Variants in EIF2AK2 observed in about 807,000 individuals in gnomAD.
EIF2AK2 encodes the protein interferon-induced, double-stranded RNA-activated protein kinase.
A neutral mutation model predicts 70.5 loss-of-function variants in EIF2AK2; 40 were observed. That is an observed-to-expected ratio of 0.57 (90% CI 0.44 to 0.74). The LOEUF (loss-of-function observed/expected upper bound fraction) is 0.74. EIF2AK2 is among the 30% of genes least tolerant of loss of function. The pLI, the probability that EIF2AK2 is intolerant of heterozygous loss-of-function variation, is 0.00. For missense variants in EIF2AK2, 555 were observed against 644.3 expected (o/e 0.86, Z 1.50); for synonymous variants, 198 against 220.9 (o/e 0.90, Z 0.92).
intron 10 of EIF2AK2, among the ~76,000 whole-genome samples, chr2:37,128,605 C>T (rs767699199): frequency 6.6e-6 from 1 of 152,184 alleles, no homozygotes; most frequent in East Asian, 1.9e-4. Flanking sequence ...AATGGGCCCT[C>T]AAGAAACTTC....
chr2:37,146,142 G>A (rs900773595), intron 4 of EIF2AK2, among the ~76,000 whole-genome samples: 4 of 152,006 alleles, frequency 2.6e-5, no homozygotes, highest in African/African-American at 9.7e-5. Context: ...GTTACAATTG[G>A]CTACAGTATT....
At chr2:37,113,428 G>C (rs1385265041) in intron 14 of EIF2AK2, among the ~76,000 whole-genome samples, 2 of 146,134 alleles carry the variant, frequency 1.4e-5, no homozygotes, top group Non-Finnish European at 3.0e-5. Context: ...CCGGGAGGCA[G>C]AGGTTGTTGC....
chr2:37,154,871 T>G (rs1327446073), intron 1 of EIF2AK2, among the ~76,000 whole-genome samples: 1 of 152,098 alleles, frequency 6.6e-6, no homozygotes, highest in African/African-American at 2.4e-5. Context: ...CCTGGTTTTC[T>G]TCTGTTCTGA....
At position 37,156,910 on chromosome 2, in the gene EIF2AK2, G is replaced by GGC. The variant is rs1662829875; in HGVS notation, c.-187_-186insGC. The stretch of plus-strand genomic sequence containing the variant: ...CGGCTGCCCCCTGCCCTGCTCACCT[G>GGC]CGCCGCCGCCGCCGCCGCCGCCGCC... On this transcript the variant is annotated 5_prime_UTR_variant, in exon 1 of 17. Transcript: ENST00000233057. 1 of 180,350 alleles carries GGC rather than the reference G, an allele frequency of 5.5e-6. No homozygotes were observed. Among genetic ancestry groups the GGC allele is most frequent in the Non-Finnish European group, 1.1e-5 (1 of 89,850 alleles). 11.2% of individuals were successfully genotyped at this position (180,350 alleles called of 1,614,324 possible).
At chr2:37,135,255 T>A (rs2148696512) in intron 10 of EIF2AK2, among the ~76,000 whole-genome samples, 1 of 152,262 alleles carries the variant, frequency 6.6e-6, no homozygotes, top group South Asian at 2.1e-4. Flanking sequence ...TAAGGGAGTA[T>A]CAAAACAACC....
intron 1 of EIF2AK2, among the ~76,000 whole-genome samples, chr2:37,151,267 T>A (rs760937151): frequency 6.6e-6 from 1 of 151,686 alleles, no homozygotes; most frequent in African/African-American, 2.4e-5. Flanking sequence ...ACCACCCAAT[T>A]AAAAAAATAG....
rs1369454564 is a variant in EIF2AK2, at chr2:37,102,550, T to C, written c.*4723A>G. On this transcript the variant is annotated 3_prime_UTR_variant, in exon 17 of 17. Transcript: ENST00000233057. ...TAGTAGAGACCTGGAAAAGCTTGTA[T>C]GTAGCCTTTTAAACATTTCTTCTCA... is the stretch of plus-strand genomic sequence containing the variant. 1 of 152,208 alleles carries C rather than the reference T, an allele frequency of 6.6e-6. No individual in the cohort carries two copies. The highest frequency in any genetic ancestry group is 2.4e-5 in the African/African-American group (1 of 41,458). The allele number at this position is 152,208 out of a possible 1,614,324, so 9.4% of individuals were successfully genotyped here. A position where few individuals can be genotyped will look rare whatever the true frequency, so the allele number is the denominator to read the frequency against.
Position 37,135,551 on chromosome 2 carries a change from A to C in EIF2AK2, c.723-5T>G, listed in dbSNP as rs1386472965. The C allele has an allele frequency of 6.2e-7, 1 of 1,609,642 alleles. No homozygotes were observed. The highest frequency in any genetic ancestry group is 1.7e-5 in the Admixed American group (1 of 59,446). The stretch of plus-strand genomic sequence containing the variant: ...TCAAATCTGGGTGCCAAAGATCTAA[A>C]AATTAAGAGTTGAATGTAAAACTCA... On this transcript the variant is annotated splice_polypyrimidine_tract_variant and splice_region_variant and intron_variant, in intron 9 of 16. Coordinates refer to ENST00000233057, the MANE Select transcript of EIF2AK2 (RefSeq NM_001135651.3).
intron 13 of EIF2AK2, among the ~76,000 whole-genome samples, chr2:37,117,974 G>A (rs1278772420): frequency 6.6e-6 from 1 of 152,150 alleles, no homozygotes; most frequent in African/African-American, 2.4e-5. Flanking sequence ...CTGTAGTAGT[G>A]AGAGCCTGAA....
rs779450110 is a variant in EIF2AK2 at position 37,141,673 on chromosome 2, G to C, written c.269C>G (p.Thr90Arg). The C allele has an allele frequency of 1.2e-6, 2 of 1,612,930 alleles. No homozygotes were observed. The highest frequency in any genetic ancestry group is 4.5e-5 in the East Asian group (2 of 44,852). ...CATGGATAATCCTTCTGAAGAATTC[G>C]TTGTTGTCAATAATAAAGGACTAAC... is the stretch of plus-strand genomic sequence containing the variant. Reference protein sequence around the residue: ...KAVSPLLLTTTNSSEGLSMGN... With the variant: ...KAVSPLLLTTRNSSEGLSMGN... The change falls in exon 5 of 17, where the codon ACG (threonine) becomes AGG (arginine). Residue 90 changes from threonine to arginine, a missense_variant. By Grantham distance (71) the Thr-to-Arg change is moderately conservative (BLOSUM62 -1). Transcript: ENST00000233057.
At chr2:37,128,659 T>C (rs756383406) in intron 10 of EIF2AK2, among the ~76,000 whole-genome samples, 1 of 152,216 alleles carries the variant, frequency 6.6e-6, no homozygotes, top group Non-Finnish European at 1.5e-5. Context: ...TATTTCACAG[T>C]TCCATCTTTG....
chr2:37,148,560 G>A (rs1367520774), intron 2 of EIF2AK2: 12 of 758,702 alleles, frequency 1.6e-5, no homozygotes, highest in Admixed American at 3.8e-5. Context: ...GTCCAGCTTC[G>A]TACTACAAAT....
intron 14 of EIF2AK2, among the ~76,000 whole-genome samples, chr2:37,111,349 A>T (rs1385485546): frequency 2.0e-5 from 3 of 152,120 alleles, no homozygotes; most frequent in Non-Finnish European, 4.4e-5. Flanking sequence ...ATATATTTTT[A>T]AAATTAACGG....
rs566577447 is a variant in EIF2AK2, at chr2:37,103,703, T to C, written c.*3570A>G. The C allele has an allele frequency of 1.3e-5, 2 of 152,248 alleles. No homozygotes were observed. The highest frequency in any genetic ancestry group is 2.1e-4 in the South Asian group (1 of 4,838). The allele number at this position is 152,248 out of a possible 1,614,324, so 9.4% of individuals were successfully genotyped here. A position where few individuals can be genotyped will look rare whatever the true frequency, so the allele number is the denominator to read the frequency against. On this transcript the variant is annotated 3_prime_UTR_variant, in exon 17 of 17. Transcript: ENST00000233057. The stretch of plus-strand genomic sequence containing the variant: ...CAACAAACACCTGTGTACTGTCATC[T>C]AGATTTACCAATTGTACAATGGCTA...
At position 37,113,419 on chromosome 2, in the gene EIF2AK2, C is replaced by T. The variant is rs563025095; in HGVS notation, c.1377+1312G>A. On this transcript the variant is annotated intron_variant, in intron 14 of 16. Coordinates refer to ENST00000233057, the MANE Select transcript of EIF2AK2 (RefSeq NM_001135651.3). ...CTGAGGCAGGAGAATTGCTTGAACC[C>T]GGGAGGCAGAGGTTGTTGCAGTGAG... Among the ~76,000 whole-genome samples, 6 of 142,480 alleles carry T rather than the reference C, an allele frequency of 4.2e-5. No homozygotes were observed. In the South Asian group the frequency reaches 1.2e-3, roughly 28 times the overall value. 93.5% of individuals were successfully genotyped at this position (142,480 alleles called of 152,430 possible).
At position 37,131,210 on chromosome 2, in the gene EIF2AK2, C is replaced by G. The variant is rs561296458; in HGVS notation, c.785+4274G>C. 5.4e-4 allele frequency among the ~76,000 whole-genome samples: 83 copies of G among 152,322 alleles called. No homozygotes were observed. The South Asian group carries it at 0.016, about 29-fold the overall frequency. On this transcript the variant is annotated intron_variant, in intron 10 of 16. Coordinates refer to ENST00000233057, the MANE Select transcript of EIF2AK2 (RefSeq NM_001135651.3). ...CTGTCACCTAAAATGTGCCTTATTA[C>G]AGGCCCCCACTTTAGGCCTTCCAAA...
rs1256509700 is a variant in EIF2AK2 at position 37,103,190 on chromosome 2, C to A, written c.*4083G>T. On this transcript the variant is annotated 3_prime_UTR_variant, in exon 17 of 17. Transcript: ENST00000233057. ...TTAATAAGAGTAGGAATATATATAT[C>A]TTTTTTTTTCTTTTTTTTTTTTGAG... The A allele has an allele frequency of 2.0e-5, 3 of 149,844 alleles. No homozygotes were observed. The highest frequency in any genetic ancestry group is 4.4e-5 in the Non-Finnish European group (3 of 67,506). 9.3% of individuals were successfully genotyped at this position (149,844 alleles called of 1,614,324 possible). A position where few individuals can be genotyped will look rare whatever the true frequency, so the allele number is the denominator to read the frequency against.
At chr2:37,137,652 AT>A (rs991326738) in intron 8 of EIF2AK2, among the ~76,000 whole-genome samples, 1 of 152,222 alleles carries the variant, frequency 6.6e-6, no homozygotes, top group Non-Finnish European at 1.5e-5. Flanking sequence ...TTTAATTCTA[AT>A]TTTTAAAAAC....
intron 13 of EIF2AK2, among the ~76,000 whole-genome samples, chr2:37,115,821 A>C (rs1674321926): frequency 6.6e-6 from 1 of 152,190 alleles, no homozygotes; most frequent in Non-Finnish European, 1.5e-5. Context: ...GTTAACTGGA[A>C]GCTAATAACT....
Sources: gnomAD v4.1 joint callset for allele counts (sites outside exome capture counted in the v4.1 genomes callset) on GRCh38, gnomAD v4.1.1 for gene constraint, MANE v1.5 for transcripts, NCBI Gene and HGNC (gene_info 2026-07-23, HGNC 2026-07-21) for gene names.